KIF13B: variants seen among roughly 807,000 people sequenced by gnomAD.
KIF13B encodes kinesin-like protein KIF13B.
KIF13B carries 127 observed loss-of-function variants against 222.0 expected under a neutral mutation model. The ratio of observed to expected loss-of-function variants is 0.57; its 90% CI spans 0.50 to 0.66. KIF13B has a LOEUF of 0.66. Ranked by LOEUF, KIF13B falls within the 30% of genes least tolerant of loss-of-function variation. KIF13B has a pLI of 0.00. For missense variants in KIF13B, 2,173 were observed against 2,379.0 expected (o/e 0.91, Z 1.80); for synonymous variants, 976 against 919.0 (o/e 1.06, Z -1.12).
chr8:29,136,796 T>TA (rs202095372), intron 21 of KIF13B, among the ~76,000 whole-genome samples: 12,331 of 114,314 alleles, frequency 0.11, 772 homozygotes, highest in Admixed American at 0.23. Flanking sequence ...CTGTAACAGG[T>TA]TTTTTTTTTT....
At chr8:29,141,150 A>G (rs889241424) in intron 19 of KIF13B, among the ~76,000 whole-genome samples, 7 of 152,166 alleles carry the variant, frequency 4.6e-5, no homozygotes, top group Admixed American at 3.3e-4. Flanking sequence ...CCTGCCCAAC[A>G]TGGTGAAATC....
chr8:29,167,837 C>T (rs1049529146), intron 10 of KIF13B, among the ~76,000 whole-genome samples: 76 of 152,134 alleles, frequency 5.0e-4, no homozygotes, highest in African/African-American at 1.8e-3. Context: ...ACCTTTATTT[C>T]GGTTTAACAC....
chr8:29,191,357 A>T (rs1813177296), intron 3 of KIF13B, among the ~76,000 whole-genome samples: 1 of 145,278 alleles, frequency 6.9e-6, no homozygotes. Flanking sequence ...GAAATTAGTG[A>T]TCTGTTTCAT....
chr8:29,106,368 A>T (rs773253298), intron 35 of KIF13B, among the ~76,000 whole-genome samples: 4 of 152,250 alleles, frequency 2.6e-5, no homozygotes, highest in Non-Finnish European at 4.4e-5. Flanking sequence ...GCAGTGGCTT[A>T]TGCCTGTAAT....
intron 31 of KIF13B, among the ~76,000 whole-genome samples, chr8:29,115,295 T>G (rs1809540309): frequency 6.6e-6 from 1 of 151,810 alleles, no homozygotes; most frequent in Non-Finnish European, 1.5e-5. Context: ...CTCCCAAATC[T>G]TTATATTTGC....
intron 2 of KIF13B, among the ~76,000 whole-genome samples, chr8:29,206,558 CTTTG>C (rs1813951022): frequency 6.6e-6 from 1 of 152,142 alleles, no homozygotes; most frequent in Admixed American, 6.5e-5. Flanking sequence ...CTGAAGATGG[CTTTG>C]TTTATCCCTG....
intron 18 of KIF13B, chr8:29,146,037 T>C: frequency 2.0e-6 from 1 of 507,352 alleles, no homozygotes; most frequent in South Asian, 2.5e-5. Flanking sequence ...GAAGGGGTTG[T>C]AGAGTGGTAG....
At chr8:29,174,851 T>C (rs1180925809) in intron 10 of KIF13B, among the ~76,000 whole-genome samples, 1 of 152,164 alleles carries the variant, frequency 6.6e-6, no homozygotes, top group African/African-American at 2.4e-5. Flanking sequence ...GAGTTTTGAA[T>C]TAAAAAGTTG....
At chr8:29,093,023 T>C (rs370074518) in intron 36 of KIF13B, 145 bp from the exon 37 acceptor site, 159 of 762,212 alleles carry the variant, frequency 2.1e-4, no homozygotes, top group Non-Finnish European at 3.0e-4. Context: ...CACAGTATTA[T>C]TGTAGTTTAC....
At chr8:29,108,390 G>T (rs113763664) in intron 34 of KIF13B, among the ~76,000 whole-genome samples, 198 bp from the exon 35 acceptor site, 2 of 152,226 alleles carry the variant, frequency 1.3e-5, no homozygotes, top group African/African-American at 4.8e-5. Flanking sequence ...ATTTTCAGAT[G>T]AGAGATTTCT....
chr8:29,127,401 C>T, intron 24 of KIF13B, 133 bp from the exon 25 acceptor site: 1 of 599,406 alleles, frequency 1.7e-6, no homozygotes, highest in South Asian at 5.0e-5. Context: ...TATTGTTAAG[C>T]ATTAAAATAC....
At chr8:29,094,543 G>A (rs942014666) in intron 36 of KIF13B, among the ~76,000 whole-genome samples, 3 of 152,180 alleles carry the variant, frequency 2.0e-5, no homozygotes, top group Admixed American at 1.3e-4. Context: ...AGAAGTAGTC[G>A]TCAGAACACT....
At position 29,109,923 on chromosome 8, in the gene KIF13B, G is replaced by A. The variant is rs1253902563; in HGVS notation, c.4078C>T (p.Arg1360Cys). 6.2e-6 allele frequency: 10 copies of A among 1,613,358 alleles called. No homozygotes were observed. The highest frequency in any genetic ancestry group is 3.3e-5 in the South Asian group (3 of 90,886). The stretch of plus-strand genomic sequence containing the variant: ...TATCCATGCGGTTGGCTAACCTGGC[G>A]CAGACGATCTAAAGTCAGGAGGTTT... ...VENLLTLDRL[R>C]QEVAVKEQLT... The change falls in exon 33 of 40, where the codon CGC (arginine) becomes TGC (cysteine). Residue 1360 changes from arginine to cysteine, a missense_variant. Physicochemically the swap from Arg to Cys is radical, Grantham distance 180. This residue lies in a region of KIF13B where 1,480 missense variants were observed against 1,722.8 expected (regional missense o/e 0.86). Transcript: ENST00000524189.
intron 36 of KIF13B, among the ~76,000 whole-genome samples, chr8:29,097,774 A>G (rs1375622758): frequency 6.6e-6 from 1 of 152,232 alleles, no homozygotes; most frequent in African/African-American, 2.4e-5. Flanking sequence ...AGATTAATAT[A>G]TATGATAAAC....
At chr8:29,219,746 A>T (rs1234434684) in intron 2 of KIF13B, among the ~76,000 whole-genome samples, 1 of 146,566 alleles carries the variant, frequency 6.8e-6, no homozygotes, top group Admixed American at 6.8e-5. Context: ...CCCTGTTTCC[A>T]AAATAAATAA....
At chr8:29,074,242 G>C (rs1200917975) in intron 38 of KIF13B, among the ~76,000 whole-genome samples, 1 of 152,210 alleles carries the variant, frequency 6.6e-6, no homozygotes, top group Non-Finnish European at 1.5e-5. Context: ...TGGGCTGGAA[G>C]GATCATGGCA....
intron 5 of KIF13B, among the ~76,000 whole-genome samples, chr8:29,188,002 G>C (rs1053951609): frequency 2.0e-5 from 3 of 152,120 alleles, no homozygotes; most frequent in African/African-American, 7.2e-5. Flanking sequence ...CGACACATGA[G>C]GCTTCTTGAA....
intron 21 of KIF13B, among the ~76,000 whole-genome samples, chr8:29,137,342 A>G (rs118159731): frequency 0.021 from 3,206 of 152,358 alleles, 51 homozygotes; most frequent in Non-Finnish European, 0.031. Flanking sequence ...GGGGTTTTCA[A>G]AAAAGTTTTT....
chr8:29,078,357 G>A (rs147234317), intron 37 of KIF13B, among the ~76,000 whole-genome samples: 153 of 151,904 alleles, frequency 1.0e-3, no homozygotes, highest in African/African-American at 3.6e-3. Flanking sequence ...TAGAACGGGT[G>A]TGAACGCCAC....
Sources: gnomAD v4.1 joint callset for allele counts (sites outside exome capture counted in the v4.1 genomes callset) on GRCh38, gnomAD v4.1.1 for gene constraint, gnomAD v4.1.1 regional missense constraint, MANE v1.5 for transcripts, NCBI Gene and HGNC (gene_info 2026-07-23, HGNC 2026-07-21) for gene names.